RSPO2: variants seen among roughly 807,000 people sequenced by gnomAD.
The protein encoded by RSPO2 is R-spondin-2.
A neutral mutation model predicts 30.9 loss-of-function variants in RSPO2; 14 were observed. The ratio of observed to expected loss-of-function variants is 0.45; its 90% CI spans 0.30 to 0.71. The LOEUF is 0.71. Among genes scored for constraint, RSPO2 ranks in the 30% least tolerant of loss-of-function variants. RSPO2 has a pLI of 0.08. For missense variants in RSPO2, 264 were observed against 301.9 expected, an observed-to-expected ratio of 0.87 and a Z score of 0.93; for synonymous variants, 107 against 96.4, an observed-to-expected ratio of 1.11 and a Z score of -0.64.
At chr8:108,012,757 T>C (rs1431725173) in intron 2 of RSPO2, among the ~76,000 whole-genome samples, 2 of 152,168 alleles carry the variant, frequency 1.3e-5, no homozygotes, top group Non-Finnish European at 2.9e-5. Flanking sequence ...GTACAGGATA[T>C]ATAATAAAAA....
At chr8:108,072,602 T>C (rs1812893291) in intron 2 of RSPO2, among the ~76,000 whole-genome samples, 1 of 150,302 alleles carries the variant, frequency 6.7e-6, no homozygotes, top group Non-Finnish European at 1.5e-5. Context: ...CCTCCCAAAG[T>C]GCTGGGATTA....
At chr8:107,925,725 G>A (rs915992487) in intron 5 of RSPO2, among the ~76,000 whole-genome samples, 2 of 152,086 alleles carry the variant, frequency 1.3e-5, no homozygotes, top group Non-Finnish European at 1.5e-5. Flanking sequence ...CCCTGCAAAG[G>A]ACATGAACTC....
chr8:107,990,931 C>A (rs1814822584), intron 2 of RSPO2, among the ~76,000 whole-genome samples: 1 of 151,986 alleles, frequency 6.6e-6, no homozygotes. Flanking sequence ...ACAAACCTGA[C>A]CAAAACAAGC....
chr8:107,983,618 T>C lies in RSPO2; in HGVS notation c.283+5438A>G, dbSNP rs61734744. 3.0e-3 allele frequency: 4,776 copies of C among 1,595,716 alleles called. 91 individuals carry two copies. In the African/African-American group the frequency reaches 0.05, roughly 17 times the overall value. ...GCCCCAAAAGACGATAAAACAATTA[T>C]AGAGGAGCAGGCAACCAAAATTGCA... On this transcript the variant is annotated intron_variant, in intron 3 of 5. Transcript: ENST00000276659.
intron 5 of RSPO2, among the ~76,000 whole-genome samples, chr8:107,940,319 A>C (rs1812859082): frequency 6.6e-6 from 1 of 152,138 alleles, no homozygotes; most frequent in African/African-American, 2.4e-5. Context: ...GTGTTTTATT[A>C]ACAGACACTA....
chr8:108,003,299 ATATATATATATATTTTTTTTTTTTTTT>A (rs1280782071), intron 2 of RSPO2, among the ~76,000 whole-genome samples: 39 of 23,290 alleles, frequency 1.7e-3, no homozygotes, highest in African/African-American at 7.3e-3. Context: ...ATATATATAT[ATATATATATATATTTTTTTTTTTTTTT>A]TTTTTTTTTT....
intron 5 of RSPO2, among the ~76,000 whole-genome samples, chr8:107,925,379 GT>G (rs541040370): frequency 2.2e-4 from 32 of 145,306 alleles, no homozygotes; most frequent in South Asian, 1.6e-3. Context: ...AAGGATTTGT[GT>G]TTTTTTTCTT....
intron 2 of RSPO2, among the ~76,000 whole-genome samples, chr8:108,051,706 C>A (rs1185525774): frequency 6.6e-6 from 1 of 152,130 alleles, no homozygotes; most frequent in Non-Finnish European, 1.5e-5. Flanking sequence ...ATCCAATACT[C>A]AGATCCATTC....
At chr8:107,903,942 GC>G (rs1297813174) in intron 5 of RSPO2, among the ~76,000 whole-genome samples, 1 of 152,034 alleles carries the variant, frequency 6.6e-6, no homozygotes, top group Non-Finnish European at 1.5e-5. Flanking sequence ...GCTCAAAGTA[GC>G]AAAAGTAGTA....
intron 2 of RSPO2, among the ~76,000 whole-genome samples, chr8:108,014,844 T>TAAAAAAAAAAA (rs5893898): frequency 7.5e-5 from 8 of 106,434 alleles, no homozygotes; most frequent in Non-Finnish European, 1.0e-4. Flanking sequence ...TAAAGTATAA[T>TAAAAAAAAAAA]AAAAAAAAAA....
At chr8:107,955,513 G>A (rs1813393731) in intron 5 of RSPO2, among the ~76,000 whole-genome samples, 1 of 151,922 alleles carries the variant, frequency 6.6e-6, no homozygotes. Context: ...TGAAGACTGA[G>A]TATTTCAAGT....
At chr8:108,003,426 C>T (rs1159818698) in intron 2 of RSPO2, among the ~76,000 whole-genome samples, 1 of 149,706 alleles carries the variant, frequency 6.7e-6, no homozygotes, top group Non-Finnish European at 1.5e-5. Flanking sequence ...ATCCTCTGGC[C>T]TCAGCCTCCC....
intron 3 of RSPO2, among the ~76,000 whole-genome samples, chr8:107,970,436 T>G (rs1813955372): frequency 6.6e-6 from 1 of 152,130 alleles, no homozygotes; most frequent in Non-Finnish European, 1.5e-5. Context: ...CTGAAATCCC[T>G]GGGGTACCTT....
chr8:107,971,927 T>G (rs573465517), intron 3 of RSPO2, among the ~76,000 whole-genome samples: 1 of 152,286 alleles, frequency 6.6e-6, no homozygotes, highest in South Asian at 2.1e-4. Context: ...GAAAACATCC[T>G]CTGCCCTCCC....
At chr8:108,049,131 G>A (rs1811996449) in intron 2 of RSPO2, among the ~76,000 whole-genome samples, 1 of 151,934 alleles carries the variant, frequency 6.6e-6, no homozygotes, top group South Asian at 2.1e-4. Flanking sequence ...ATAGCATTAG[G>A]AGAAATACCT....
chr8:107,903,850 A>G lies in RSPO2; in HGVS notation c.617-2660T>C, dbSNP rs541628262. On this transcript the variant is annotated intron_variant, in intron 5 of 5. Transcript: ENST00000276659. ...CAAATACCGAGGAATTAAGATGGTT[A>G]GCCAAGATTTGACCACAGACAGGCC... is the stretch of plus-strand genomic sequence containing the variant. Among the ~76,000 whole-genome samples the G allele has an allele frequency of 3.3e-5, 5 of 152,192 alleles. No individual in the cohort carries two copies. The South Asian group carries it at 1.0e-3, about 32-fold the overall frequency.
intron 5 of RSPO2, among the ~76,000 whole-genome samples, chr8:107,923,328 A>T (rs1158498900): frequency 6.6e-6 from 1 of 152,230 alleles, no homozygotes; most frequent in Non-Finnish European, 1.5e-5. Flanking sequence ...AAAGCTCAAC[A>T]TCACTGATTA....
At chr8:107,904,877 C>T (rs1455189877) in intron 5 of RSPO2, among the ~76,000 whole-genome samples, 2 of 152,056 alleles carry the variant, frequency 1.3e-5, no homozygotes, top group Non-Finnish European at 2.9e-5. Context: ...ACTATCAAAG[C>T]CACATTCTAA....
chr8:107,902,178 C>G (rs769602306), intron 5 of RSPO2, among the ~76,000 whole-genome samples: 10 of 152,126 alleles, frequency 6.6e-5, no homozygotes, highest in Non-Finnish European at 1.2e-4. Context: ...CTTTAAAGGT[C>G]TCCTGCATTT....
Sources: allele counts gnomAD v4.1 joint callset (sites outside exome capture counted in the v4.1 genomes callset), GRCh38; gene constraint gnomAD v4.1.1; transcripts MANE v1.5; gene names NCBI Gene and HGNC (gene_info 2026-07-23, HGNC 2026-07-21).